The following ATRNL1 variants were observed in gnomAD, a reference collection of about 807,000 sequenced individuals.
ATRNL1 encodes attractin-like protein 1.
ATRNL1 carries 95 observed loss-of-function variants against 182.7 expected under a neutral mutation model. The observed-to-expected ratio is 0.52, with a 90% CI of 0.44 to 0.62. The LOEUF is 0.62. Ranked by LOEUF, ATRNL1 falls within the 20% of genes least tolerant of loss-of-function variation. ATRNL1 has a pLI of 0.00. For missense variants in ATRNL1, 1,471 were observed against 1,679.5 expected, an observed-to-expected ratio of 0.88 and a Z score of 2.17; for synonymous variants, 576 against 568.3, an observed-to-expected ratio of 1.01 and a Z score of -0.19.
intron 27 of ATRNL1, among the ~76,000 whole-genome samples, chr10:115,807,389 A>G (rs781955878): frequency 5.3e-5 from 8 of 152,174 alleles, no homozygotes; most frequent in Non-Finnish European, 7.4e-5. Flanking sequence ...TGCTGGGATT[A>G]TAGGTGTGAG....
intron 26 of ATRNL1, among the ~76,000 whole-genome samples, chr10:115,721,142 G>T (rs1358577926): frequency 6.6e-6 from 1 of 152,148 alleles, no homozygotes; most frequent in African/African-American, 2.4e-5. Context: ...TAGAGGTTCT[G>T]TGAGGTTCCT....
chr10:115,871,830 C>T (rs1445708267), intron 28 of ATRNL1, among the ~76,000 whole-genome samples: 1 of 152,138 alleles, frequency 6.6e-6, no homozygotes. Flanking sequence ...AGATAGATTG[C>T]ACTTCCTGGA....
rs148716899 is a variant in ATRNL1, at chr10:115,608,878, T to C, written c.3795+59342T>C. On this transcript the variant is annotated intron_variant, in intron 26 of 28. Coordinates refer to ENST00000355044, the MANE Select transcript of ATRNL1 (RefSeq NM_207303.4). ...TAGTTATAAATCCTAGTAGACAAAATTGAAAAAAAAAATCTCTTCAAGCTT... is the reference window on the plus strand; with the variant it reads ...TAGTTATAAATCCTAGTAGACAAAACTGAAAAAAAAAATCTCTTCAAGCTT... 7.3e-3 allele frequency among the ~76,000 whole-genome samples: 1,104 copies of C among 151,412 alleles called. 14 individuals carry two copies. Among genetic ancestry groups the C allele is most frequent in the African/African-American group, 0.025 (1,050 of 41,412 alleles).
intron 1 of ATRNL1, among the ~76,000 whole-genome samples, chr10:115,112,381 G>T (rs137891739): frequency 1.3e-5 from 2 of 152,154 alleles, no homozygotes; most frequent in Non-Finnish European, 1.5e-5. Context: ...ACTGGTCTTT[G>T]AAAAGTTAAT....
intron 21 of ATRNL1, among the ~76,000 whole-genome samples, chr10:115,442,181 A>G (rs1206242160): frequency 1.3e-5 from 2 of 150,712 alleles, no homozygotes; most frequent in Non-Finnish European, 3.0e-5. Context: ...TTCTGACTTT[A>G]TCTCTTACAA....
chr10:115,674,849 A>G (rs1264426555), intron 26 of ATRNL1, among the ~76,000 whole-genome samples: 1 of 152,072 alleles, frequency 6.6e-6, no homozygotes, highest in East Asian at 1.9e-4. Context: ...GCATAAAATG[A>G]CATAAATTAT....
At chr10:115,752,008 A>G (rs1013245107) in intron 27 of ATRNL1, among the ~76,000 whole-genome samples, 3 of 152,050 alleles carry the variant, frequency 2.0e-5, no homozygotes, top group African/African-American at 4.8e-5. Flanking sequence ...AGCCCTATAA[A>G]TGTATTACAA....
chr10:115,110,782 G>T (rs782332689), intron 1 of ATRNL1, among the ~76,000 whole-genome samples: 1 of 152,090 alleles, frequency 6.6e-6, no homozygotes, highest in Non-Finnish European at 1.5e-5. Context: ...AAACATGATG[G>T]TCAATTGAGT....
intron 27 of ATRNL1, among the ~76,000 whole-genome samples, chr10:115,831,371 A>T (rs1413574900): frequency 6.6e-6 from 1 of 152,178 alleles, no homozygotes; most frequent in Non-Finnish European, 1.5e-5. Context: ...AGGAGAGAGA[A>T]CTGGAGATCT....
chr10:115,214,761 C>G (rs530483422), intron 8 of ATRNL1, among the ~76,000 whole-genome samples: 29 of 152,180 alleles, frequency 1.9e-4, no homozygotes, highest in African/African-American at 6.5e-4. Context: ...TTTTCGTATG[C>G]ATTTCTTAAA....
At chr10:115,821,888 A>G (rs1369615582) in intron 27 of ATRNL1, among the ~76,000 whole-genome samples, 4 of 152,180 alleles carry the variant, frequency 2.6e-5, no homozygotes, top group African/African-American at 9.7e-5. Flanking sequence ...GAAAATTAAC[A>G]AGGATATTCA....
intron 21 of ATRNL1, among the ~76,000 whole-genome samples, chr10:115,438,435 C>G (rs560998127): frequency 1.2e-3 from 179 of 152,078 alleles, no homozygotes; most frequent in African/African-American, 4.1e-3. Context: ...CAGAAACTTT[C>G]TTCTTAGTTT....
intron 26 of ATRNL1, among the ~76,000 whole-genome samples, chr10:115,552,927 C>T (rs1018386455): frequency 6.6e-6 from 1 of 151,252 alleles, no homozygotes; most frequent in African/African-American, 2.4e-5. Context: ...TATAGCTTGT[C>T]CTTTTTACAG....
intron 26 of ATRNL1, among the ~76,000 whole-genome samples, chr10:115,564,157 G>A (rs1345780261): frequency 6.6e-6 from 1 of 151,982 alleles, no homozygotes; most frequent in African/African-American, 2.4e-5. Flanking sequence ...AATGATTCAT[G>A]TACTTTAATT....
intron 21 of ATRNL1, among the ~76,000 whole-genome samples, chr10:115,440,009 T>G (rs1267635546): frequency 6.6e-6 from 1 of 151,950 alleles, no homozygotes; most frequent in Non-Finnish European, 1.5e-5. Context: ...TTTAATTATT[T>G]ATTTATATCG....
chr10:115,495,067 G>A (rs374747344), intron 24 of ATRNL1, among the ~76,000 whole-genome samples: 4 of 151,768 alleles, frequency 2.6e-5, no homozygotes, highest in South Asian at 2.1e-4. Flanking sequence ...ATCTTGGGTC[G>A]TTGTATGTTT....
intron 19 of ATRNL1, among the ~76,000 whole-genome samples, chr10:115,363,216 A>C (rs1423015831): frequency 6.6e-6 from 1 of 151,748 alleles, no homozygotes; most frequent in African/African-American, 2.4e-5. Context: ...CGCCATTCTA[A>C]ATGGTGTGAG....
chr10:115,899,127 C>T (rs958445974), intron 28 of ATRNL1, among the ~76,000 whole-genome samples: 49 of 152,074 alleles, frequency 3.2e-4, no homozygotes, highest in Admixed American at 6.5e-5. Context: ...CCACGACAGG[C>T]CCTGGTGTGT....
rs4294500 is a variant in ATRNL1, at chr10:115,510,229, A to G, written c.3655-9034A>G. Reference sequence around the variant, plus strand: ...ATTGTTGAAATGACAATGAGTTGGAATATCACATAAACTTGATAAAGAAGC... The same window carrying G: ...ATTGTTGAAATGACAATGAGTTGGAGTATCACATAAACTTGATAAAGAAGC... On this transcript the variant is annotated intron_variant, in intron 24 of 28. Transcript: ENST00000355044. Among the ~76,000 whole-genome samples the G allele has an allele frequency of 8.5e-5, 13 of 152,058 alleles. No homozygotes were observed. In the South Asian group the frequency reaches 2.7e-3, roughly 31 times the overall value.
Sources: allele counts gnomAD v4.1 joint callset (sites outside exome capture counted in the v4.1 genomes callset), GRCh38; gene constraint gnomAD v4.1.1; transcripts MANE v1.5; gene names NCBI Gene and HGNC (gene_info 2026-07-23, HGNC 2026-07-21).